ABTB2: variants seen among roughly 807,000 people sequenced by gnomAD.
ABTB2 encodes ankyrin repeat and BTB/POZ domain-containing protein 2.
ABTB2 carries 56 observed loss-of-function variants against 104.1 expected under a neutral mutation model. The ratio of observed to expected loss-of-function variants is 0.54; its 90% CI spans 0.43 to 0.67. The LOEUF is 0.67. Among genes scored for constraint, ABTB2 ranks in the 30% least tolerant of loss-of-function variants. ABTB2 has a pLI of 0.00. For synonymous variants in ABTB2, 606 were observed against 608.2 expected (o/e 1.00, Z 0.05); for missense variants, 1,279 against 1,407.7 (o/e 0.91, Z 1.46).
intron 1 of ABTB2, among the ~76,000 whole-genome samples, chr11:34,296,519 A>G (rs1005183898): frequency 2.0e-5 from 3 of 152,232 alleles, no homozygotes; most frequent in Non-Finnish European, 4.4e-5. Flanking sequence ...CTGAAGTCAG[A>G]TAAAGGACAG....
intron 1 of ABTB2, among the ~76,000 whole-genome samples, chr11:34,317,730 C>A (rs1854954334): frequency 6.8e-6 from 1 of 146,424 alleles, no homozygotes; most frequent in South Asian, 2.2e-4. Context: ...TCACCACATT[C>A]CAGCCCAGGC....
intron 1 of ABTB2, among the ~76,000 whole-genome samples, chr11:34,223,362 CT>C (rs751627595): frequency 6.6e-6 from 1 of 152,194 alleles, no homozygotes; most frequent in Non-Finnish European, 1.5e-5. Context: ...GAGAGGAAGT[CT>C]GTACCCCAAA....
chr11:34,249,376 A>G (rs1854026520), intron 1 of ABTB2, among the ~76,000 whole-genome samples: 1 of 152,276 alleles, frequency 6.6e-6, no homozygotes, highest in Non-Finnish European at 1.5e-5. Context: ...ATAGCTTCAC[A>G]TAAAAATATC....
At chr11:34,293,604 C>G (rs905769168) in intron 1 of ABTB2, among the ~76,000 whole-genome samples, 1 of 151,774 alleles carries the variant, frequency 6.6e-6, no homozygotes. Flanking sequence ...GAATAAGTGC[C>G]CAGCTGTGTC....
chr11:34,284,146 T>C (rs954327333), intron 1 of ABTB2, among the ~76,000 whole-genome samples: 5 of 152,228 alleles, frequency 3.3e-5, no homozygotes, highest in African/African-American at 1.2e-4. Context: ...GACCTCACTC[T>C]GGGCTGTAAG....
intron 14 of ABTB2, 62 bp downstream of exon 14, chr11:34,159,234 A>G (rs922480656): frequency 1.7e-5 from 23 of 1,315,814 alleles, no homozygotes; most frequent in Non-Finnish European, 2.5e-5. Flanking sequence ...AGCTGCCCAC[A>G]AGGTGGGCTC....
rs149130665 is a variant in ABTB2, at chr11:34,280,510, C to A, written c.884-75820G>T. On this transcript the variant is annotated intron_variant, in intron 1 of 16. Transcript: ENST00000435224. The stretch of plus-strand genomic sequence containing the variant: ...CTTTCTCTCTCTTTTCCTCCCAGGT[C>A]TGGGAGGCAGGATAGCTGTCCTAAG... 9.2e-5 allele frequency among the ~76,000 whole-genome samples: 14 copies of A among 152,282 alleles called. No individual in the cohort carries two copies. In the East Asian group the frequency reaches 2.7e-3, roughly 29 times the overall value.
At chr11:34,218,326 G>A (rs1853572345) in intron 1 of ABTB2, among the ~76,000 whole-genome samples, 2 of 151,890 alleles carry the variant, frequency 1.3e-5, no homozygotes, top group South Asian at 4.2e-4. Flanking sequence ...TTCCTTTCCT[G>A]GATCATGCTT....
intron 1 of ABTB2, among the ~76,000 whole-genome samples, chr11:34,244,576 C>T (rs1853961382): frequency 1.3e-5 from 2 of 152,168 alleles, no homozygotes; most frequent in African/African-American, 4.8e-5. Context: ...ATTTACTCTT[C>T]CCCATGGTGA....
intron 1 of ABTB2, among the ~76,000 whole-genome samples, chr11:34,275,607 A>G (rs1219093961): frequency 1.3e-5 from 2 of 152,086 alleles, no homozygotes; most frequent in African/African-American, 4.8e-5. Flanking sequence ...TGAGCACCCT[A>G]ATCCACTACA....
At chr11:34,232,381 C>T (rs991912855) in intron 1 of ABTB2, among the ~76,000 whole-genome samples, 3 of 149,350 alleles carry the variant, frequency 2.0e-5, no homozygotes, top group East Asian at 2.0e-4. Context: ...ACCTGGGAAG[C>T]GGAGGCTGCA....
intron 1 of ABTB2, among the ~76,000 whole-genome samples, chr11:34,295,042 G>T (rs2611123): frequency 6.6e-6 from 1 of 151,932 alleles, no homozygotes; most frequent in Non-Finnish European, 1.5e-5. Flanking sequence ...ACATTAGCCA[G>T]GCATGGAGGT....
intron 5 of ABTB2, among the ~76,000 whole-genome samples, chr11:34,168,811 G>A (rs1287882148): frequency 6.6e-6 from 1 of 152,238 alleles, no homozygotes; most frequent in Non-Finnish European, 1.5e-5. Context: ...TGGGCAGTTG[G>A]CGGGGCCGCC....
At chr11:34,205,604 T>G (rs929208295) in intron 1 of ABTB2, among the ~76,000 whole-genome samples, 149 of 152,016 alleles carry the variant, frequency 9.8e-4, no homozygotes, top group East Asian at 7.7e-4. Context: ...CCCACAAACT[T>G]TTTTTTTTTC....
rs1290363244 is a variant in ABTB2, at chr11:34,152,297, C to A, written c.*90G>T. 4 of 1,404,824 alleles carry A rather than the reference C, an allele frequency of 2.8e-6. No homozygotes were observed. 87.0% of individuals were successfully genotyped at this position (1,404,824 alleles called of 1,614,324 possible). A position where few individuals can be genotyped will look rare whatever the true frequency, so the allele number is the denominator to read the frequency against. ...AGGAGGAGGAAACAGCCCCGTGAACCTGGCTCCAAGAGGGCCTACAACCAT... is the reference window on the plus strand; with the variant it reads ...AGGAGGAGGAAACAGCCCCGTGAACATGGCTCCAAGAGGGCCTACAACCAT... On this transcript the variant is annotated 3_prime_UTR_variant, in exon 17 of 17. Transcript: ENST00000435224.
At chr11:34,180,031 T>C (rs1239093364) in intron 3 of ABTB2, among the ~76,000 whole-genome samples, 1 of 152,242 alleles carries the variant, frequency 6.6e-6, no homozygotes, top group Non-Finnish European at 1.5e-5. Context: ...ATTACTAGTT[T>C]AGTGTCTGTT....
chr11:34,172,393 A>AT (rs58214998), intron 4 of ABTB2, among the ~76,000 whole-genome samples: 461 of 27,672 alleles, frequency 0.017, 10 homozygotes, highest in African/African-American at 0.026. Context: ...AAAAAAAAAA[A>AT]AAATATATAT....
At chr11:34,300,552 G>GC (rs1311892780) in intron 1 of ABTB2, among the ~76,000 whole-genome samples, 1 of 152,194 alleles carries the variant, frequency 6.6e-6, no homozygotes, top group African/African-American at 2.4e-5. Context: ...CTACAGCATG[G>GC]CAAGAGCTAA....
At chr11:34,216,433 C>G (rs1196715476) in intron 1 of ABTB2, among the ~76,000 whole-genome samples, 1 of 152,176 alleles carries the variant, frequency 6.6e-6, no homozygotes, top group African/African-American at 2.4e-5. Flanking sequence ...ATGGCCCTTT[C>G]TGATTGGCTT....
Sources: allele counts gnomAD v4.1 joint callset (sites outside exome capture counted in the v4.1 genomes callset), GRCh38; gene constraint gnomAD v4.1.1; transcripts MANE v1.5; gene names NCBI Gene and HGNC (gene_info 2026-07-23, HGNC 2026-07-21).